CNTNAP3B: variants seen among roughly 807,000 people sequenced by gnomAD.
The protein encoded by CNTNAP3B is contactin associated protein family member 3B, also known as contactin-associated protein-like 3B.
In CNTNAP3B, 25 loss-of-function variants were observed where a neutral mutation model predicts 108.9. That is an observed-to-expected ratio of 0.23 (90% confidence interval 0.17 to 0.32). The LOEUF is 0.32. CNTNAP3B is among the 10% of genes least tolerant of loss of function. The pLI, the probability that CNTNAP3B is intolerant of heterozygous loss-of-function variation, is 1.00. For missense variants in CNTNAP3B, 252 were observed against 1,210.4 expected (o/e 0.21, Z 11.75); for synonymous variants, 103 against 473.4 (o/e 0.22, Z 10.16).
intron 11 of CNTNAP3B, among the ~76,000 whole-genome samples, 175 bp downstream of exon 11, chr9:41,964,363 T>C (rs1825199327): frequency 6.6e-6 from 1 of 152,276 alleles, no homozygotes; most frequent in African/African-American, 2.4e-5. Flanking sequence ...CTGTGCACTG[T>C]CTCAACACCC....
rs1463746335 is a variant in CNTNAP3B, at chr9:41,979,114, T to C, written c.1477+7054A>G. ...CTAGGCCTCTGTCTTCCTGAGGCGT[T>C]GTTCCTGCATGTTGTCCCAGCGTCT... On this transcript the variant is annotated intron_variant, in intron 9 of 23. Coordinates refer to ENST00000377561, the MANE Select transcript of CNTNAP3B (RefSeq NM_001201380.3). Among the ~76,000 whole-genome samples the C allele has an allele frequency of 3.1e-4, 42 of 134,424 alleles. 5 individuals carry two copies. The highest frequency in any genetic ancestry group is 1.3e-3 in the African/African-American group (42 of 33,080). 88.2% of individuals were successfully genotyped at this position (134,424 alleles called of 152,430 possible). A position where few individuals can be genotyped will look rare whatever the true frequency, so the allele number is the denominator to read the frequency against.
At chr9:41,934,257 C>T (rs1417695400) in intron 14 of CNTNAP3B, among the ~76,000 whole-genome samples, 12 of 147,290 alleles carry the variant, frequency 8.1e-5, no homozygotes, top group East Asian at 2.0e-4. Context: ...CTTGGTCTGT[C>T]GCCCAGGCTG....
intron 1 of CNTNAP3B, among the ~76,000 whole-genome samples, chr9:42,111,478 C>T (rs565588399): frequency 1.4e-5 from 2 of 138,186 alleles, no homozygotes; most frequent in African/African-American, 5.8e-5. Flanking sequence ...AGCTGGTAAA[C>T]GGTATGCCTG....
At chr9:42,048,044 A>G (rs1826912639) in intron 3 of CNTNAP3B, among the ~76,000 whole-genome samples, 1 of 132,876 alleles carries the variant, frequency 7.5e-6, no homozygotes, top group African/African-American at 3.0e-5. Flanking sequence ...GATAAATTCC[A>G]AACCTGAGGG....
chr9:41,944,708 G>A (rs1350792806), intron 13 of CNTNAP3B, among the ~76,000 whole-genome samples: 58 of 152,092 alleles, frequency 3.8e-4, no homozygotes, highest in Non-Finnish European at 5.6e-4. Context: ...CACTTTAAAT[G>A]TAAACAGTCT....
intron 1 of CNTNAP3B, among the ~76,000 whole-genome samples, chr9:42,127,697 G>C (rs1228664009): frequency 1.4e-5 from 2 of 139,712 alleles, no homozygotes; most frequent in Non-Finnish European, 1.5e-5. Context: ...TCTGAAACAC[G>C]GTACAGCATC....
At chr9:41,918,061 C>T (rs1448533175) in intron 18 of CNTNAP3B, among the ~76,000 whole-genome samples, 4 of 152,384 alleles carry the variant, frequency 2.6e-5, no homozygotes, top group Admixed American at 1.3e-4. Flanking sequence ...ATAATTTTTA[C>T]TAGTTATGCC....
chr9:41,985,688 C>T lies in CNTNAP3B; in HGVS notation c.1477+480G>A, dbSNP rs1825692471. On this transcript the variant is annotated intron_variant, in intron 9 of 23. Transcript: ENST00000377561. ...AAATATTTATCCATCTATCTATAAACTGAGCTGTGTACTAATAATGATTCA... is the reference window on the plus strand; with the variant it reads ...AAATATTTATCCATCTATCTATAAATTGAGCTGTGTACTAATAATGATTCA... 1.5e-5 allele frequency among the ~76,000 whole-genome samples: 2 copies of T among 131,462 alleles called. 1 individual carries two copies. The highest frequency in any genetic ancestry group is 1.5e-4 in the Admixed American group (2 of 12,962). 86.2% of individuals were successfully genotyped at this position (131,462 alleles called of 152,430 possible).
chr9:42,026,586 C>A (rs1206577501), intron 3 of CNTNAP3B, among the ~76,000 whole-genome samples: 2 of 89,288 alleles, frequency 2.2e-5, no homozygotes, highest in African/African-American at 4.3e-5. Context: ...AGTGAGCCTC[C>A]GTCTCAGGGA....
intron 13 of CNTNAP3B, among the ~76,000 whole-genome samples, chr9:41,951,187 C>A (rs377156651): frequency 6.8e-6 from 1 of 147,334 alleles, no homozygotes; most frequent in Non-Finnish European, 1.5e-5. Flanking sequence ...AACGGCTATT[C>A]GGGTTCTCTC....
chr9:42,069,852 T>C (rs1564188267), intron 3 of CNTNAP3B, among the ~76,000 whole-genome samples: 1 of 92,058 alleles, frequency 1.1e-5, no homozygotes, highest in Non-Finnish European at 2.1e-5. Flanking sequence ...TATAAATATA[T>C]ATATATAAAA....
chr9:41,939,132 G>A (rs1252754078), intron 13 of CNTNAP3B, among the ~76,000 whole-genome samples: 58 of 152,202 alleles, frequency 3.8e-4, no homozygotes, highest in Admixed American at 3.9e-4. Context: ...ATGCTGCCAG[G>A]GGTTGGGAGT....
intron 15 of CNTNAP3B, among the ~76,000 whole-genome samples, chr9:41,925,316 A>G (rs1823784394): frequency 6.6e-6 from 1 of 152,100 alleles, no homozygotes; most frequent in Non-Finnish European, 1.5e-5. Flanking sequence ...TTTCTCGGCT[A>G]GGCGCAGTGG....
In CNTNAP3B at chr9:41,975,158, G is replaced by A. The variant is rs1394188540; in HGVS notation, c.1478-4913C>T. On this transcript the variant is annotated intron_variant, in intron 9 of 23. Coordinates refer to ENST00000377561, the MANE Select transcript of CNTNAP3B (RefSeq NM_001201380.3). ...TGCAGGGGCTTCGAGACGCCTTTCC[G>A]GTGGGGAAGACTAGCAAATCAGGCG... 7 of 192,360 alleles carry A rather than the reference G, an allele frequency of 3.6e-5. 1 individual carries two copies. The highest frequency in any genetic ancestry group is 1.1e-4 in the African/African-American group (4 of 34,922). 11.9% of individuals were successfully genotyped at this position (192,360 alleles called of 1,614,324 possible). A position where few individuals can be genotyped will look rare whatever the true frequency, so the allele number is the denominator to read the frequency against.
intron 2 of CNTNAP3B, among the ~76,000 whole-genome samples, chr9:42,079,530 G>T (rs1453454047): frequency 8.1e-6 from 1 of 122,806 alleles, no homozygotes; most frequent in Non-Finnish European, 1.7e-5. Context: ...TTTTGTTTTT[G>T]TTTTTGTTTT....
intron 1 of CNTNAP3B, among the ~76,000 whole-genome samples, chr9:42,124,227 A>T (rs2118753247): frequency 7.5e-6 from 1 of 133,280 alleles, no homozygotes; most frequent in African/African-American, 3.0e-5. Context: ...ATTAACTGGA[A>T]CACATGCAGT....
intron 3 of CNTNAP3B, among the ~76,000 whole-genome samples, chr9:42,057,509 G>A (rs1290317617): frequency 8.0e-6 from 1 of 125,480 alleles, no homozygotes; most frequent in Non-Finnish European, 1.7e-5. Flanking sequence ...CCAGCCTCTA[G>A]GTATTTTTCT....
At chr9:41,977,644 G>A (rs1339816310) in intron 9 of CNTNAP3B, among the ~76,000 whole-genome samples, 1 of 126,998 alleles carries the variant, frequency 7.9e-6, no homozygotes, top group East Asian at 2.3e-4. Flanking sequence ...TTGAGACGGC[G>A]TCTCACTCTG....
intron 14 of CNTNAP3B, among the ~76,000 whole-genome samples, chr9:41,931,571 T>G (rs1324464883): frequency 6.6e-6 from 1 of 151,704 alleles, no homozygotes; most frequent in African/African-American, 2.4e-5. Context: ...GAAAGCTTAT[T>G]TCTAAAATTC....
Sources: gnomAD v4.1 joint callset for allele counts (sites outside exome capture counted in the v4.1 genomes callset) on GRCh38, gnomAD v4.1.1 for gene constraint, MANE v1.5 for transcripts, NCBI Gene and HGNC (gene_info 2026-07-23, HGNC 2026-07-21) for gene names.